The following ADAMTS15 variants were observed in gnomAD, a reference collection of about 807,000 sequenced individuals.
The protein encoded by ADAMTS15 is A disintegrin and metalloproteinase with thrombospondin motifs 15.
In ADAMTS15, 35 loss-of-function variants were observed where a neutral mutation model predicts 79.1. That is an observed-to-expected ratio of 0.44 (90% CI 0.34 to 0.59). The LOEUF (loss-of-function observed/expected upper bound fraction) is 0.59, where lower values mean the gene tolerates loss of function less well. Ranked by LOEUF, ADAMTS15 falls within the 20% of genes least tolerant of loss-of-function variation. ADAMTS15 has a pLI of 0.02. For missense variants in ADAMTS15, 1,324 were observed against 1,318.7 expected (o/e 1.00, Z -0.06); for synonymous variants, 616 against 567.3 (o/e 1.09, Z -1.22).
chr11:130,452,333 G>A (rs1162811577), intron 1 of ADAMTS15, among the ~76,000 whole-genome samples: 1 of 152,212 alleles, frequency 6.6e-6, no homozygotes, highest in Non-Finnish European at 1.5e-5. Flanking sequence ...ATTTTGCAAA[G>A]TGATCGGTCT....
At chr11:130,468,654 A>G (rs1461439144) in intron 4 of ADAMTS15, among the ~76,000 whole-genome samples, 1 of 150,494 alleles carries the variant, frequency 6.6e-6, no homozygotes, top group East Asian at 2.0e-4. Context: ...AATCCCAGCT[A>G]CTCGGGAGGC....
At chr11:130,470,133 C>CATGTGTATATATATATATATGTGT (rs1555080995) in intron 5 of ADAMTS15, among the ~76,000 whole-genome samples, 5 of 74,820 alleles carry the variant, frequency 6.7e-5, no homozygotes, top group African/African-American at 2.9e-4. Flanking sequence ...TATATATATA[C>CATGTGTATATATATATATATGTGT]ATATATATAT....
chr11:130,473,054 T>C lies in ADAMTS15; in HGVS notation c.2086T>C (p.Tyr696His). ...CCCCCTTTCCCCCGCCAGGCATGGC[T>C]ACAATTTCGTGGTGGCCATCCCCGC... ...TGLFTKPMHG[Y>H]NFVVAIPAGA... Residue 696 changes from tyrosine to histidine, a missense_variant, in exon 8 of 8, where the codon TAC (tyrosine) becomes CAC (histidine). Physicochemically the swap from Tyr to His is moderately conservative, Grantham distance 83. Transcript: ENST00000299164. The C allele has an allele frequency of 6.2e-7, 1 of 1,613,238 alleles. No individual in the cohort carries two copies. Among genetic ancestry groups the C allele is most frequent in the Non-Finnish European group, 8.5e-7 (1 of 1,179,416 alleles).
rs1938561561 is a variant in ADAMTS15, at chr11:130,475,410, G to A, written c.*1589G>A. 1 of 152,258 alleles carries A rather than the reference G, an allele frequency of 6.6e-6. No individual in the cohort carries two copies. Among genetic ancestry groups the A allele is most frequent in the Non-Finnish European group, 1.5e-5 (1 of 68,054 alleles). The allele number at this position is 152,258 out of a possible 1,614,324, so 9.4% of individuals were successfully genotyped here. A position where few individuals can be genotyped will look rare whatever the true frequency, so the allele number is the denominator to read the frequency against. ...CAGGGTGTTTCTTGAAGGTTCAGAT[G>A]CCCCACTGTGTACATGGGATATTCT... On this transcript the variant is annotated 3_prime_UTR_variant, in exon 8 of 8. Transcript: ENST00000299164.
In ADAMTS15 at chr11:130,462,286, C is replaced by T. The variant is rs367646738; in HGVS notation, c.1258+32C>T. ...CAGGACGGCGGGAGGGCAATGAGGC[C>T]GCCTCGGAGGGGGCTTTGCTGCTGC... On this transcript the variant is annotated intron_variant, in intron 3 of 7. Transcript: ENST00000299164. The surrounding 1 kb of genome is among the most constrained non-coding windows in gnomAD (Gnocchi z 4.3). 2.7e-4 allele frequency: 422 copies of T among 1,587,898 alleles called. 1 individual carries two copies. The South Asian group carries it at 3.4e-3, about 13-fold the overall frequency.
intron 1 of ADAMTS15, among the ~76,000 whole-genome samples, chr11:130,457,648 A>G (rs1462042323): frequency 6.6e-6 from 1 of 152,084 alleles, no homozygotes; most frequent in African/African-American, 2.4e-5. Context: ...TCTGGGAGGA[A>G]GAAGGCAGAA....
Position 130,462,361 on chromosome 11 carries a change from GC to G in ADAMTS15, c.1258+112del, listed in dbSNP as rs1410519276. On this transcript the variant is annotated intron_variant, in intron 3 of 7. Transcript: ENST00000299164. This position sits in a 1 kb window ranked among gnomAD's most constrained non-coding sequence, Gnocchi z 4.3. The stretch of plus-strand genomic sequence containing the variant: ...CGTCCTCTGTACATTAGGTGTGTGT[GC>G]CCCCTCGGAGCCGGGCTCTGACATG... 5 of 1,485,230 alleles carry G rather than the reference GC, an allele frequency of 3.4e-6. No individual in the cohort carries two copies. The highest frequency in any genetic ancestry group is 2.7e-6 in the Non-Finnish European group (3 of 1,109,058). The allele number at this position is 1,485,230 out of a possible 1,614,324, so 92.0% of individuals were successfully genotyped here.
intron 5 of ADAMTS15, among the ~76,000 whole-genome samples, chr11:130,469,939 T>C (rs1327398267): frequency 6.6e-6 from 1 of 151,520 alleles, no homozygotes; most frequent in African/African-American, 2.4e-5. Context: ...ATCTAAAATT[T>C]AGTATTTCTT....
At chr11:130,457,056 A>T (rs528671609) in intron 1 of ADAMTS15, among the ~76,000 whole-genome samples, 1 of 152,116 alleles carries the variant, frequency 6.6e-6, no homozygotes, top group East Asian at 1.9e-4. Context: ...AACACGGTGA[A>T]ACCCAGTCTC....
At chr11:130,450,065 CTG>C in intron 1 of ADAMTS15, 135 bp downstream of exon 1, 1 of 1,473,196 alleles carries the variant, frequency 6.8e-7, no homozygotes, top group Non-Finnish European at 9.0e-7. Context: ...GACTCCAACT[CTG>C]TGGAGTTTCC....
rs1223133153 is a variant in ADAMTS15 at position 130,468,420 on chromosome 11, C to A, written c.1543-842C>A. Among the ~76,000 whole-genome samples, 4 of 150,488 alleles carry A rather than the reference C, an allele frequency of 2.7e-5. No homozygotes were observed. The East Asian group carries it at 7.8e-4, about 29-fold the overall frequency. On this transcript the variant is annotated intron_variant, in intron 4 of 7. Coordinates refer to ENST00000299164, the MANE Select transcript of ADAMTS15 (RefSeq NM_139055.4). Reference sequence around the variant, plus strand: ...CTGAGAAGGGCGGATCACTTGAGGTCGGGAGTTTGAGACCAGCCTGGCCAA... The same window carrying A: ...CTGAGAAGGGCGGATCACTTGAGGTAGGGAGTTTGAGACCAGCCTGGCCAA...
rs1565397687 is a variant in ADAMTS15, at chr11:130,470,162, A to ATATATATG, written c.1720+730_1720+731insGTATATAT. Among the ~76,000 whole-genome samples the ATATATATG allele has an allele frequency of 8.0e-4, 45 of 56,562 alleles. 1 individual carries two copies. The highest frequency in any genetic ancestry group is 7.1e-3 in the Middle Eastern group (1 of 140). 37.1% of individuals were successfully genotyped at this position (56,562 alleles called of 152,430 possible). A position where few individuals can be genotyped will look rare whatever the true frequency, so the allele number is the denominator to read the frequency against. ...TATATATATATATATGTGTATATATATATATATATATATATATATGTGTGT... is the reference window on the plus strand; with the variant it reads ...TATATATATATATATGTGTATATATATATATATGTATATATATATATATATATGTGTGT... On this transcript the variant is annotated intron_variant, in intron 5 of 7. Coordinates refer to ENST00000299164, the MANE Select transcript of ADAMTS15 (RefSeq NM_139055.4).
In ADAMTS15 at chr11:130,471,058, G is replaced by T; in HGVS notation, c.1859G>T (p.Cys620Phe). 1 of 1,613,896 alleles carries T rather than the reference G, an allele frequency of 6.2e-7. No homozygotes were observed. Among genetic ancestry groups the T allele is most frequent in the Non-Finnish European group, 8.5e-7 (1 of 1,180,032 alleles). Residue 620 changes from cysteine (C) to phenylalanine (F), a missense_variant, in exon 6 of 8, where the codon TGC becomes TTC. Coordinates refer to ENST00000299164, the MANE Select transcript of ADAMTS15 (RefSeq NM_139055.4). ...VSPRDKCKLI[C>F]RANGTGYFYV... ...CCCCGGGACAAGTGCAAGCTCATCTGCCGAGCCAATGGCACTGGCTACTTC... is the reference window on the plus strand; with the variant it reads ...CCCCGGGACAAGTGCAAGCTCATCTTCCGAGCCAATGGCACTGGCTACTTC...
chr11:130,452,633 T>C (rs923338017), intron 1 of ADAMTS15, among the ~76,000 whole-genome samples: 4 of 152,216 alleles, frequency 2.6e-5, no homozygotes, highest in African/African-American at 9.6e-5. Context: ...TTGTTGAGCA[T>C]TACTTATTAT....
rs1354910376 is a variant in ADAMTS15 at position 130,473,498 on chromosome 11, G to A, written c.2530G>A (p.Val844Met). 5 of 1,610,518 alleles carry A rather than the reference G, an allele frequency of 3.1e-6. No individual in the cohort carries two copies. The highest frequency in any genetic ancestry group is 4.2e-6 in the Non-Finnish European group (5 of 1,178,348). Residue 844 changes from valine (V) to methionine (M), a missense_variant, in exon 8 of 8, where the codon GTG becomes ATG. Physicochemically the swap from Val to Met is conservative, Grantham distance 21. Transcript: ENST00000299164. Reference sequence around the variant, plus strand: ...GGACGACAGGCCCCCTGCACGCTGGGTGGCTGGCAGCTGGGGGCCGTGCTC... The same window carrying A: ...GGACGACAGGCCCCCTGCACGCTGGATGGCTGGCAGCTGGGGGCCGTGCTC... ...QPDDRPPARW[V>M]AGSWGPCSAS...
chr11:130,461,180 T>C (rs1015372677), intron 1 of ADAMTS15, among the ~76,000 whole-genome samples: 14 of 152,170 alleles, frequency 9.2e-5, no homozygotes, highest in Non-Finnish European at 1.8e-4. Context: ...CTCTATAAAG[T>C]AGTGGCCCTT....
intron 2 of ADAMTS15, 47 bp downstream of exon 2, chr11:130,461,668 G>A (rs1022584496): frequency 6.2e-7 from 1 of 1,609,254 alleles, no homozygotes; most frequent in South Asian, 1.1e-5. Flanking sequence ...TTTGCCTGGG[G>A]AGCCTGGAGG....
Position 130,449,568 on chromosome 11 carries a change from G to T in ADAMTS15, c.595G>T (p.Gly199Trp). 6.3e-7 allele frequency: 1 copy of T among 1,589,394 alleles called. No individual in the cohort carries two copies. The highest frequency in any genetic ancestry group is 2.3e-5 in the East Asian group (1 of 44,286). The change falls in exon 1 of 8, where the codon GGG (glycine) becomes TGG (tryptophan). Residue 199 changes from glycine (G) to tryptophan (W), a missense_variant. Coordinates refer to ENST00000299164, the MANE Select transcript of ADAMTS15 (RefSeq NM_139055.4). The surrounding 1 kb of genome is among the most constrained non-coding windows in gnomAD (Gnocchi z 7.8). ...TTACAAGCCGCGGCGGGCGGGCTTC[G>T]GGGAGAGTCGTAGCCGGCGCAGGTC... The part of the protein sequence containing the change: ...DPYKPRRAGF[G>W]ESRSRRRSGR...
At chr11:130,461,368 C>A in intron 1 of ADAMTS15, 121 bp from the exon 2 acceptor site, 1 of 1,408,744 alleles carries the variant, frequency 7.1e-7, no homozygotes, top group Non-Finnish European at 9.7e-7. Flanking sequence ...AGGTGCTGGG[C>A]CTGGTGAGGT....
Sources: gnomAD v4.1 joint callset for allele counts (sites outside exome capture counted in the v4.1 genomes callset) on GRCh38, gnomAD v4.1.1 for gene constraint, Gnocchi (gnomAD v3.1) non-coding constraint, MANE v1.5 for transcripts, NCBI Gene and HGNC (gene_info 2026-07-23, HGNC 2026-07-21) for gene names.